Variants in CNTROB observed in about 807,000 individuals in gnomAD.
The protein encoded by CNTROB is centrobin.
A neutral mutation model predicts 115.7 loss-of-function variants in CNTROB; 82 were observed. The observed-to-expected ratio is 0.71, with a 90% CI of 0.59 to 0.85. The LOEUF (loss-of-function observed/expected upper bound fraction) is 0.85, where lower values mean the gene tolerates loss of function less well. CNTROB is among the 40% of genes least tolerant of loss of function. The pLI is 0.00. For synonymous variants in CNTROB, 439 were observed against 456.4 expected (o/e 0.96, Z 0.49); for missense variants, 1,014 against 1,144.4 (o/e 0.89, Z 1.64).
In CNTROB at chr17:7,948,562, G is replaced by T; in HGVS notation, c.2456G>T (p.Trp819Leu). ...QLLRLYQARG[W>L]GALPAEDLLL... ...TTGCGACTCTACCAGGCTCGGGGCT[G>T]GGGGGCTCTGCCTGCTGAGGATCTC... is the stretch of plus-strand genomic sequence containing the variant. Residue 819 changes from tryptophan (W) to leucine (L), a missense_variant, in exon 17 of 19, where the codon TGG (tryptophan) becomes TTG (leucine). Coordinates refer to ENST00000563694, the MANE Select transcript of CNTROB (RefSeq NM_053051.5). This position sits in a 1 kb window ranked among gnomAD's most constrained non-coding sequence, Gnocchi z 4.4. 6.2e-7 allele frequency: 1 copy of T among 1,614,148 alleles called. No homozygotes were observed. The highest frequency in any genetic ancestry group is 8.5e-7 in the Non-Finnish European group (1 of 1,180,014).
upstream of CNTROB, chr17:7,932,199 G>T: frequency 3.5e-6 from 1 of 286,530 alleles, no homozygotes; most frequent in Non-Finnish European, 6.7e-6. Context: ...GAGAGGCGGA[G>T]CCGTGGACAG....
Position 7,943,106 on chromosome 17 carries a change from GTATGT to G in CNTROB, c.1312-281_1312-277del, listed in dbSNP as rs1974113907. 6.6e-6 allele frequency among the ~76,000 whole-genome samples: 1 copy of G among 152,076 alleles called. No homozygotes were observed. Among genetic ancestry groups the G allele is most frequent in the African/African-American group, 2.4e-5 (1 of 41,398 alleles). On this transcript the variant is annotated intron_variant, in intron 9 of 18. Transcript: ENST00000563694. The surrounding 1 kb of genome is among the most constrained non-coding windows in gnomAD (Gnocchi z 4.7). ...GTGAGCCACCGCGCCCAGCCTCAGG[GTATGT>G]TATATCAGACACGTAGAATGGATTT...
chr17:7,941,110 A>T (rs1973805360), intron 9 of CNTROB, among the ~76,000 whole-genome samples: 1 of 152,216 alleles, frequency 6.6e-6, no homozygotes, highest in Non-Finnish European at 1.5e-5. Context: ...GTTGAAGAGG[A>T]AAGAGTATTG....
Position 7,944,627 on chromosome 17 carries a change from C to A in CNTROB, c.1723C>A (p.Pro575Thr). The change falls in exon 12 of 19, where the codon CCC becomes ACC. Residue 575 changes from proline to threonine, a missense_variant. Pro to Thr is a conservative substitution (Grantham distance 38, BLOSUM62 -1). Coordinates refer to ENST00000563694, the MANE Select transcript of CNTROB (RefSeq NM_053051.5). The surrounding 1 kb of genome is among the most constrained non-coding windows in gnomAD (Gnocchi z 4.0). ...GCTGCTCAGCACCACTCTCCCGCCG[C>A]CCAACCCTCCAGTACGCCTTACCCC... ...NQLLSTTLPP[P>T]NPPAPPAGPS... 6.2e-7 allele frequency: 1 copy of A among 1,609,736 alleles called. No homozygotes were observed. The highest frequency in any genetic ancestry group is 8.5e-7 in the Non-Finnish European group (1 of 1,177,176).
Position 7,939,434 on chromosome 17 carries a change from C to A in CNTROB, c.928-79C>A. On this transcript the variant is annotated intron_variant, in intron 7 of 18. Transcript: ENST00000563694. This position sits in a 1 kb window ranked among gnomAD's most constrained non-coding sequence, Gnocchi z 4.4. ...TAATGAGCATAATTCTCAGCAGGCA[C>A]CTTGTATGAGGGTCAGAGGGCAGAT... 1 of 1,192,566 alleles carries A rather than the reference C, an allele frequency of 8.4e-7. No individual in the cohort carries two copies. The highest frequency in any genetic ancestry group is 1.2e-6 in the Non-Finnish European group (1 of 815,000). The allele number at this position is 1,192,566 out of a possible 1,614,324, so 73.9% of individuals were successfully genotyped here.
intron 1 of CNTROB, 31 bp downstream of exon 1, chr17:7,933,380 G>A (rs1384292565): frequency 1.9e-6 from 3 of 1,584,492 alleles, no homozygotes; most frequent in Non-Finnish European, 2.6e-6. Context: ...AGACCACTGT[G>A]GCACTAGACA....
In CNTROB at chr17:7,933,040, C is replaced by T; in HGVS notation, c.-40C>T. 6.3e-7 allele frequency: 1 copy of T among 1,599,680 alleles called. No individual in the cohort carries two copies. The highest frequency in any genetic ancestry group is 8.5e-7 in the Non-Finnish European group (1 of 1,173,204). On this transcript the variant is annotated 5_prime_UTR_variant, in exon 1 of 19. Transcript: ENST00000563694. ...CTGGACTTTGCTAAAGCAGAACCTC[C>T]CAGCTCTTTGCTGTCTCCGGTTGTC...
chr17:7,947,755 T>G (rs868392695), intron 14 of CNTROB, 33 bp downstream of exon 14: 1 of 1,601,196 alleles, frequency 6.2e-7, no homozygotes, highest in Non-Finnish European at 8.5e-7. Context: ...TAGCTCACTT[T>G]CTTCTTCCCT....
chr17:7,936,273 C>T (rs1295889318), intron 4 of CNTROB, 93 bp from the exon 5 acceptor site: 1 of 758,650 alleles, frequency 1.3e-6, no homozygotes, highest in African/African-American at 1.7e-5. Flanking sequence ...CTTCTTGGCT[C>T]CAGCCCACTC....
At chr17:7,942,253 C>T (rs543232885) in intron 9 of CNTROB, among the ~76,000 whole-genome samples, 96 of 152,118 alleles carry the variant, frequency 6.3e-4, no homozygotes, top group Admixed American at 1.4e-3. Context: ...AGCAACAGAA[C>T]AAGACTCTGT....
At chr17:7,941,182 G>A (rs1973814777) in intron 9 of CNTROB, among the ~76,000 whole-genome samples, 1 of 132,942 alleles carries the variant, frequency 7.5e-6, no homozygotes, top group Middle Eastern at 3.4e-3. Context: ...ATGGGCCTCT[G>A]TTTTTATGTA....
chr17:7,944,168 C>T lies in CNTROB; in HGVS notation c.1491C>T (p.Ala497=), dbSNP rs1387644130. The T allele has an allele frequency of 1.2e-6, 2 of 1,608,270 alleles. No individual in the cohort carries two copies. Among genetic ancestry groups the T allele is most frequent in the African/African-American group, 2.7e-5 (2 of 74,794 alleles). ...DLSGQHQQEL[A]SQLAQFKVEM... ...GTGGACAGCACCAGCAGGAGCTGGC[C>T]AGTCAGCTAGCTCAGTTCAAGGTGG... Residue 497 remains alanine, a synonymous_variant, in exon 11 of 19, where the codon GCC becomes GCT. Transcript: ENST00000563694. The surrounding 1 kb of genome is among the most constrained non-coding windows in gnomAD (Gnocchi z 4.0).
In CNTROB at chr17:7,933,237, G is replaced by C. The variant is rs149102058; in HGVS notation, c.158G>C (p.Arg53Pro). ...AGCCGGCAGGCGGAGGCCACGGCCC[G>C]AGCCCAGCTGTATTTACCCTCCACC... ...RLSRQAEATA[R>P]AQLYLPSTSP... Residue 53 changes from arginine (R) to proline (P), a missense_variant, in exon 1 of 19, where the codon CGA (arginine) becomes CCA (proline). Arg to Pro is a moderately radical substitution (Grantham distance 103). Transcript: ENST00000563694. 2.5e-6 allele frequency: 4 copies of C among 1,614,242 alleles called. No homozygotes were observed. In the African/African-American group the frequency reaches 5.3e-5, roughly 22 times the overall value.
At position 7,943,373 on chromosome 17, in the gene CNTROB, C is replaced by T. The variant is rs778111493; in HGVS notation, c.1312-18C>T. On this transcript the variant is annotated intron_variant, in intron 9 of 18. Coordinates refer to ENST00000563694, the MANE Select transcript of CNTROB (RefSeq NM_053051.5). The surrounding 1 kb of genome is among the most constrained non-coding windows in gnomAD (Gnocchi z 4.7). ...CCCAAACAGATTTGGGCCGTTATCC[C>T]ACCTTCCTTCACTCCAGGCCCGGTA... is the stretch of plus-strand genomic sequence containing the variant. 7 of 1,602,258 alleles carry T rather than the reference C, an allele frequency of 4.4e-6. No individual in the cohort carries two copies. In the African/African-American group the frequency reaches 6.7e-5, roughly 15 times the overall value.
rs1353279109 is a variant in CNTROB at position 7,943,871 on chromosome 17, C to G, written c.1446-252C>G. Among the ~76,000 whole-genome samples the G allele has an allele frequency of 6.6e-6, 1 of 152,172 alleles. No individual in the cohort carries two copies. The highest frequency in any genetic ancestry group is 1.5e-5 in the Non-Finnish European group (1 of 68,026). On this transcript the variant is annotated intron_variant, in intron 10 of 18. Transcript: ENST00000563694. This position sits in a 1 kb window ranked among gnomAD's most constrained non-coding sequence, Gnocchi z 4.7. Reference sequence around the variant, plus strand: ...GGACTGAGCCTCCTCGCAGCCTGGCCTCACTTCTCCTCACACCCATTCTGC... The same window carrying G: ...GGACTGAGCCTCCTCGCAGCCTGGCGTCACTTCTCCTCACACCCATTCTGC...
In CNTROB at chr17:7,937,235, A is replaced by C; in HGVS notation, c.900A>C (p.Arg300Ser). 6.2e-7 allele frequency: 1 copy of C among 1,614,184 alleles called. No individual in the cohort carries two copies. Among genetic ancestry groups the C allele is most frequent in the East Asian group, 2.2e-5 (1 of 44,878 alleles). The change falls in exon 7 of 19, where the codon AGA becomes AGC. Residue 300 changes from arginine to serine, a missense_variant. Transcript: ENST00000563694. ...EALNREQESA[R>S]LQQRERETLE... Reference sequence around the variant, plus strand: ...TGAATCGTGAGCAGGAAAGTGCCAGACTGCAGCAACGGGAAAGAGAGACAC... The same window carrying C: ...TGAATCGTGAGCAGGAAAGTGCCAGCCTGCAGCAACGGGAAAGAGAGACAC...
At position 7,949,589 on chromosome 17, in the gene CNTROB, T is replaced by G; in HGVS notation, c.*79T>G. 2.1e-6 allele frequency: 3 copies of G among 1,410,838 alleles called. No individual in the cohort carries two copies. Among genetic ancestry groups the G allele is most frequent in the Non-Finnish European group, 2.8e-6 (3 of 1,065,558 alleles). The allele number at this position is 1,410,838 out of a possible 1,614,324, so 87.4% of individuals were successfully genotyped here. ...GCTCATTAGTCTGTATCAGAGTCTCTGGCTCATAGGAATTTGGAAAATAGA... is the reference window on the plus strand; with the variant it reads ...GCTCATTAGTCTGTATCAGAGTCTCGGGCTCATAGGAATTTGGAAAATAGA... On this transcript the variant is annotated 3_prime_UTR_variant, in exon 19 of 19. Transcript: ENST00000563694.
chr17:7,947,925 AC>A lies in CNTROB; in HGVS notation c.2156del (p.Thr719LysfsTer21). The A allele has an allele frequency of 6.2e-7, 1 of 1,613,986 alleles. No individual in the cohort carries two copies. The highest frequency in any genetic ancestry group is 8.5e-7 in the Non-Finnish European group (1 of 1,179,906). ...TCTTATTCACCCACAGTTGCTGGAGACAGTGCCCCAGAACAATGAGAACCCT... is the reference window on the plus strand; with the variant it reads ...TCTTATTCACCCACAGTTGCTGGAGAAGTGCCCCAGAACAATGAGAACCCT... ...LKNFLHQLLE[T>X]VPQNNENPSV... On this transcript the variant is annotated frameshift_variant, in exon 15 of 19. Transcript: ENST00000563694. LOFTEE classifies it high-confidence loss of function.
rs1334373715 is a variant in CNTROB at position 7,944,819 on chromosome 17, A to C, written c.1734+181A>C. On this transcript the variant is annotated intron_variant, in intron 12 of 18. Coordinates refer to ENST00000563694, the MANE Select transcript of CNTROB (RefSeq NM_053051.5). The surrounding 1 kb of genome is among the most constrained non-coding windows in gnomAD (Gnocchi z 4.0). Reference sequence around the variant, plus strand: ...CTAACTCCCAAAGTGCTGGGATTCCAGGCATAAGCTACCATGCCCAGCAAG... The same window carrying C: ...CTAACTCCCAAAGTGCTGGGATTCCCGGCATAAGCTACCATGCCCAGCAAG... Among the ~76,000 whole-genome samples the C allele has an allele frequency of 6.6e-6, 1 of 152,156 alleles. No individual in the cohort carries two copies. The highest frequency in any genetic ancestry group is 1.9e-4 in the East Asian group (1 of 5,192).
Sources: allele counts gnomAD v4.1 joint callset (sites outside exome capture counted in the v4.1 genomes callset), GRCh38; gene constraint gnomAD v4.1.1; non-coding constraint Gnocchi (gnomAD v3.1); transcripts MANE v1.5; gene names NCBI Gene and HGNC (gene_info 2026-07-23, HGNC 2026-07-21).